Variants in AGK observed in about 807,000 individuals in gnomAD.
The protein encoded by AGK is acylglycerol kinase, also known as acylglycerol kinase, mitochondrial.
AGK carries 52 observed loss-of-function variants against 66.4 expected under a neutral mutation model. The observed-to-expected ratio is 0.78, with a 90% confidence interval of 0.63 to 0.99. The LOEUF (loss-of-function observed/expected upper bound fraction) is 0.99. Ranked by LOEUF, AGK falls within the 50% of genes least tolerant of loss-of-function variation. AGK has a pLI of 0.00. For synonymous variants in AGK, 182 were observed against 181.1 expected (o/e 1.00, Z -0.04); for missense variants, 451 against 506.6 (o/e 0.89, Z 1.05).
Position 141,653,147 on chromosome 7 carries a change from T to C in AGK, c.*223T>C. On this transcript the variant is annotated 3_prime_UTR_variant, in exon 16 of 16. Transcript: ENST00000649286. ...GCATGTTTTATTTTGGTGTGACGGT[T>C]GGCCCTCCTAAACACGGACTTTCCT... 1.9e-6 allele frequency: 1 copy of C among 518,770 alleles called. No homozygotes were observed. The highest frequency in any genetic ancestry group is 5.2e-4 in the Middle Eastern group (1 of 1,934). 32.1% of individuals were successfully genotyped at this position (518,770 alleles called of 1,614,324 possible).
In AGK at chr7:141,621,712, C is replaced by T. The variant is rs374793939; in HGVS notation, c.519-20C>T. The stretch of plus-strand genomic sequence containing the variant: ...TGTTGCCTATTTTTCATAATATGAT[C>T]ATTTCCTTTTCTCTTTTAGACATAT... On this transcript the variant is annotated intron_variant, in intron 8 of 15. Coordinates refer to ENST00000649286, the MANE Select transcript of AGK (RefSeq NM_018238.4). 2 of 1,592,208 alleles carry T rather than the reference C, an allele frequency of 1.3e-6. No homozygotes were observed. The highest frequency in any genetic ancestry group is 2.7e-5 in the African/African-American group (2 of 74,344).
chr7:141,575,971 G>A (rs1795729489), intron 2 of AGK, among the ~76,000 whole-genome samples: 2 of 152,046 alleles, frequency 1.3e-5, no homozygotes, highest in African/African-American at 4.8e-5. Context: ...CAATTTAAAT[G>A]CTGAATTAAA....
At chr7:141,644,408 G>A (rs1250269745) in intron 13 of AGK, among the ~76,000 whole-genome samples, 2 of 152,158 alleles carry the variant, frequency 1.3e-5, no homozygotes, top group African/African-American at 4.8e-5. Context: ...TTTTTGCACA[G>A]TTCTTTATAA....
chr7:141,627,818 T>C (rs908150867), intron 9 of AGK, among the ~76,000 whole-genome samples: 20 of 152,342 alleles, frequency 1.3e-4, no homozygotes, highest in African/African-American at 3.6e-4. Context: ...TTCTTTCTTA[T>C]ATATGTGTTA....
chr7:141,643,809 A>G (rs1303462399), intron 13 of AGK, among the ~76,000 whole-genome samples: 1 of 152,274 alleles, frequency 6.6e-6, no homozygotes, highest in South Asian at 2.1e-4. Flanking sequence ...AAGAAATGCA[A>G]ATTAAAATAG....
chr7:141,552,602 TTG>T (rs1408021209), intron 1 of AGK, among the ~76,000 whole-genome samples: 1 of 152,246 alleles, frequency 6.6e-6, no homozygotes, highest in African/African-American at 2.4e-5. Flanking sequence ...TACTCCGCTG[TTG>T]ATGAGATTCA....
intron 2 of AGK, among the ~76,000 whole-genome samples, chr7:141,564,579 G>T (rs115993558): frequency 0.011 from 1,628 of 152,266 alleles, 23 homozygotes; most frequent in African/African-American, 0.037. Context: ...TGTAGTTCAG[G>T]ATGAGATTTG....
chr7:141,622,308 T>C (rs575054151), intron 9 of AGK, among the ~76,000 whole-genome samples: 2 of 152,316 alleles, frequency 1.3e-5, no homozygotes, highest in East Asian at 3.9e-4. Context: ...TTGACCTCTT[T>C]GTTATACAGG....
At chr7:141,614,938 T>C (rs1302845400) in intron 7 of AGK, among the ~76,000 whole-genome samples, 1 of 152,238 alleles carries the variant, frequency 6.6e-6, no homozygotes, top group Non-Finnish European at 1.5e-5. Flanking sequence ...GTGCTCAGAA[T>C]TGTTTTGAAC....
chr7:141,576,839 A>C (rs1795750600), intron 2 of AGK, among the ~76,000 whole-genome samples: 1 of 151,938 alleles, frequency 6.6e-6, no homozygotes, highest in South Asian at 2.1e-4. Context: ...GGAGATCGAG[A>C]CCATCCTCGC....
In AGK at chr7:141,567,852, T is replaced by C. The variant is rs142307669; in HGVS notation, c.101+12285T>C. Among the ~76,000 whole-genome samples the C allele has an allele frequency of 1.2e-4, 19 of 152,332 alleles. No homozygotes were observed. The East Asian group carries it at 2.9e-3, about 23-fold the overall frequency. ...GGAGTATAAAAGTTGTCTCTGGAGT[T>C]GGACTGAACTGACGCTTCCTAGCAG... On this transcript the variant is annotated intron_variant, in intron 2 of 15. Transcript: ENST00000649286.
intron 5 of AGK, among the ~76,000 whole-genome samples, chr7:141,608,520 T>A (rs1229626454): frequency 6.6e-6 from 1 of 151,924 alleles, no homozygotes; most frequent in Non-Finnish European, 1.5e-5. Context: ...GAGGATGAGG[T>A]TAGAGAAGTA....
chr7:141,625,204 C>CA (rs962497405), intron 9 of AGK, among the ~76,000 whole-genome samples: 1 of 151,916 alleles, frequency 6.6e-6, no homozygotes, highest in Non-Finnish European at 1.5e-5. Context: ...ACTGGAAAAC[C>CA]AAAAAGTTTT....
At chr7:141,630,957 C>T (rs985978352) in intron 9 of AGK, among the ~76,000 whole-genome samples, 2 of 152,122 alleles carry the variant, frequency 1.3e-5, no homozygotes, top group Non-Finnish European at 2.9e-5. Flanking sequence ...CCATTGTGTC[C>T]TCAACTCCCA....
chr7:141,567,171 C>G (rs1242071851), intron 2 of AGK, among the ~76,000 whole-genome samples: 1 of 152,108 alleles, frequency 6.6e-6, no homozygotes, highest in Non-Finnish European at 1.5e-5. Context: ...ATTCTACACA[C>G]TCTGTAAGGG....
At chr7:141,596,912 C>T (rs745544980) in intron 4 of AGK, 7 of 395,298 alleles carry the variant, frequency 1.8e-5, no homozygotes, top group Admixed American at 4.1e-5. Context: ...GAAGTAGTCC[C>T]CTCGGGAGCG....
intron 14 of AGK, 113 bp from the exon 15 acceptor site, chr7:141,651,412 C>A: frequency 1.2e-6 from 1 of 806,296 alleles, no homozygotes; most frequent in Non-Finnish European, 2.1e-6. Flanking sequence ...GCTTAATAGA[C>A]CATCTGTCCA....
At chr7:141,572,848 C>A (rs1057427358) in intron 2 of AGK, among the ~76,000 whole-genome samples, 1 of 152,078 alleles carries the variant, frequency 6.6e-6, no homozygotes, top group African/African-American at 2.4e-5. Context: ...TATGCATAAG[C>A]CACACTTGAC....
At position 141,555,859 on chromosome 7, in the gene AGK, T is replaced by G. The variant is rs1174847019; in HGVS notation, c.101+292T>G. ...AGACATCTTAGAGAAAGAGAAGTCCTTTCCCAAGTTAGTAGTGTGAACCCC... is the reference window on the plus strand; with the variant it reads ...AGACATCTTAGAGAAAGAGAAGTCCGTTCCCAAGTTAGTAGTGTGAACCCC... On this transcript the variant is annotated intron_variant, in intron 2 of 15. Transcript: ENST00000649286. The surrounding 1 kb of genome is among the most constrained non-coding windows in gnomAD (Gnocchi z 4.2). Among the ~76,000 whole-genome samples, 1 of 152,222 alleles carries G rather than the reference T, an allele frequency of 6.6e-6. No individual in the cohort carries two copies. The highest frequency in any genetic ancestry group is 2.4e-5 in the African/African-American group (1 of 41,470).
Sources: allele counts gnomAD v4.1 joint callset (sites outside exome capture counted in the v4.1 genomes callset), GRCh38; gene constraint gnomAD v4.1.1; non-coding constraint Gnocchi (gnomAD v3.1); transcripts MANE v1.5; gene names NCBI Gene and HGNC (gene_info 2026-07-23, HGNC 2026-07-21).